CYB5RL: variants seen among roughly 807,000 people sequenced by gnomAD.
CYB5RL encodes cytochrome b5 reductase like.
Under a neutral mutation model 37.5 loss-of-function variants are expected in CYB5RL, and 38 were observed. The ratio of observed to expected loss-of-function variants is 1.01; its 90% CI spans 0.78 to 1.33. The LOEUF (loss-of-function observed/expected upper bound fraction) is 1.33. CYB5RL is among the 40% of genes most tolerant of loss of function. The pLI is 0.00. For missense variants in CYB5RL, 388 were observed against 394.4 expected (o/e 0.98, Z 0.14); for synonymous variants, 141 against 151.9 (o/e 0.93, Z 0.53).
intron 1 of CYB5RL, among the ~76,000 whole-genome samples, chr1:54,197,837 C>A (rs539557657): frequency 6.6e-5 from 10 of 151,718 alleles, no homozygotes; most frequent in African/African-American, 2.4e-4. Flanking sequence ...CTGGCTAACA[C>A]GGTGAAACCC....
At chr1:54,193,629 G>C (rs1643976722) in intron 3 of CYB5RL, among the ~76,000 whole-genome samples, 1 of 152,118 alleles carries the variant, frequency 6.6e-6, no homozygotes, top group Non-Finnish European at 1.5e-5. Context: ...AAGCCCAGGA[G>C]TTTGAGCCCA....
At chr1:54,185,532 C>T (rs1660266914) in intron 5 of CYB5RL, 1 of 152,162 alleles carries the variant, frequency 6.6e-6, no homozygotes, top group African/African-American at 2.4e-5. Flanking sequence ...CTTTGGTCCC[C>T]AGACCTGTTT....
rs1659939596 is a variant in CYB5RL, at chr1:54,173,391, T to TAG, written c.*1226_*1227dup. The TAG allele has an allele frequency of 6.6e-6, 1 of 152,238 alleles. No homozygotes were observed. Among genetic ancestry groups the TAG allele is most frequent in the Non-Finnish European group, 1.5e-5 (1 of 68,060 alleles). 9.4% of individuals were successfully genotyped at this position (152,238 alleles called of 1,614,324 possible). On this transcript the variant is annotated 3_prime_UTR_variant, in exon 8 of 8. Coordinates refer to ENST00000534324, the MANE Select transcript of CYB5RL (RefSeq NM_001031672.4). ...CTATGCAAAGAACCCTTGCTTCCTG[T>TAG]AGAGCGCAGTTCGAAAATCACTGAT... is the stretch of plus-strand genomic sequence containing the variant.
chr1:54,186,216 C>T (rs899374697), intron 5 of CYB5RL: 4 of 152,210 alleles, frequency 2.6e-5, no homozygotes, highest in Admixed American at 2.0e-4. Flanking sequence ...TTTTGTCCTT[C>T]CATTTGGATC....
intron 3 of CYB5RL, among the ~76,000 whole-genome samples, chr1:54,192,088 T>G (rs1398342707): frequency 1.3e-5 from 2 of 152,190 alleles, no homozygotes; most frequent in Non-Finnish European, 2.9e-5. Context: ...AATCTTTTCC[T>G]ATTATTATTG....
intron 7 of CYB5RL, among the ~76,000 whole-genome samples, chr1:54,176,899 T>C (rs1179933667): frequency 1.3e-5 from 2 of 152,110 alleles, no homozygotes; most frequent in African/African-American, 2.4e-5. Context: ...CAGGATGGAC[T>C]TCTACCTCAA....
intron 3 of CYB5RL, among the ~76,000 whole-genome samples, chr1:54,191,716 G>A (rs559973399): frequency 6.6e-6 from 1 of 152,310 alleles, no homozygotes; most frequent in African/African-American, 2.4e-5. Context: ...CAGTATCACT[G>A]AGCTGACAGA....
At chr1:54,197,652 A>G (rs1235394153) in intron 1 of CYB5RL, among the ~76,000 whole-genome samples, 1 of 152,066 alleles carries the variant, frequency 6.6e-6, no homozygotes, top group African/African-American at 2.4e-5. Flanking sequence ...GACTTCAGTG[A>G]GGCTGTTTGA....
At chr1:54,184,626 G>A (rs1270732138) in intron 5 of CYB5RL, 1 of 165,622 alleles carries the variant, frequency 6.0e-6, no homozygotes, top group Non-Finnish European at 1.3e-5. Flanking sequence ...GAGACAATAG[G>A]GAGTGATGGG....
intron 4 of CYB5RL, among the ~76,000 whole-genome samples, chr1:54,188,225 G>A (rs1376608631): frequency 2.0e-5 from 3 of 152,366 alleles, no homozygotes; most frequent in African/African-American, 7.2e-5. Context: ...TGAGATCCCA[G>A]TAGATCATCT....
At position 54,199,989 on chromosome 1, in the gene CYB5RL, C is replaced by A; in HGVS notation, c.-236G>T. 1.9e-6 allele frequency: 1 copy of A among 522,780 alleles called. No homozygotes were observed. Among genetic ancestry groups the A allele is most frequent in the Non-Finnish European group, 3.4e-6 (1 of 297,126 alleles). 32.4% of individuals were successfully genotyped at this position (522,780 alleles called of 1,614,324 possible). On this transcript the variant is annotated 5_prime_UTR_variant, in exon 1 of 8. Transcript: ENST00000534324. The stretch of plus-strand genomic sequence containing the variant: ...ACGACCACTCACCTACTCGCCTGCG[C>A]TTCACCTCACGTGAGGATTTTCCAG...
At chr1:54,192,760 CTT>C (rs1330026780) in intron 3 of CYB5RL, among the ~76,000 whole-genome samples, 5 of 142,808 alleles carry the variant, frequency 3.5e-5, no homozygotes, top group Non-Finnish European at 4.6e-5. Context: ...CCCTGTGTTT[CTT>C]TTTTTTTTTT....
chr1:54,182,408 A>G (rs926749059), intron 6 of CYB5RL, among the ~76,000 whole-genome samples: 1 of 152,158 alleles, frequency 6.6e-6, no homozygotes, highest in African/African-American at 2.4e-5. Flanking sequence ...AGGATTTGGA[A>G]GGATATACAC....
intron 7 of CYB5RL, among the ~76,000 whole-genome samples, chr1:54,176,743 C>G (rs542312530): frequency 3.3e-5 from 5 of 152,348 alleles, no homozygotes; most frequent in African/African-American, 1.2e-4. Flanking sequence ...CACCATGCAC[C>G]CTGAGATGCC....
chr1:54,172,335 C>CTTTTTTTT lies in CYB5RL; in HGVS notation c.*2276_*2283dup, dbSNP rs71066905. 36 of 104,832 alleles carry CTTTTTTTT rather than the reference C, an allele frequency of 3.4e-4. No individual in the cohort carries two copies. Among genetic ancestry groups the CTTTTTTTT allele is most frequent in the African/African-American group, 4.8e-4 (13 of 27,192 alleles). 6.5% of individuals were successfully genotyped at this position (104,832 alleles called of 1,614,324 possible). A position where few individuals can be genotyped will look rare whatever the true frequency, so the allele number is the denominator to read the frequency against. On this transcript the variant is annotated 3_prime_UTR_variant, in exon 8 of 8. Transcript: ENST00000534324. ...GCGCATACCACCACATAAGGTTAAT[C>CTTTTTTTT]TTTTTTTTTTTTTTTTTTTTGTAGA...
rs1660236157 is a variant in CYB5RL, at chr1:54,184,222, C to G, written c.479G>C (p.Arg160Thr). 1 of 1,613,858 alleles carries G rather than the reference C, an allele frequency of 6.2e-7. No homozygotes were observed. The highest frequency in any genetic ancestry group is 8.5e-7 in the Non-Finnish European group (1 of 1,179,854). ...GLMSRYVESW[R>T]VGDTAFWRGP... The stretch of plus-strand genomic sequence containing the variant: ...TCGCCAGAAAGCTGTGTCTCCTACT[C>G]TCCAGGACTCAACATACCGGGACAT... The change falls in exon 6 of 8, where the codon AGA (arginine) becomes ACA (threonine). Residue 160 changes from arginine to threonine, a missense_variant. Coordinates refer to ENST00000534324, the MANE Select transcript of CYB5RL (RefSeq NM_001031672.4).
intron 6 of CYB5RL, among the ~76,000 whole-genome samples, chr1:54,182,786 C>T (rs1660198282): frequency 6.6e-6 from 1 of 152,214 alleles, no homozygotes; most frequent in African/African-American, 2.4e-5. Context: ...CTCCTGACCT[C>T]AGGTGATCCA....
In CYB5RL at chr1:54,171,470, A is replaced by G. The variant is rs1270056326; in HGVS notation, c.*3149T>C. Reference sequence around the variant, plus strand: ...ATGGAGACTGGGAGCTGGGAGACCCATGAGGGGAACACAGAAGTGACGTTG... The same window carrying G: ...ATGGAGACTGGGAGCTGGGAGACCCGTGAGGGGAACACAGAAGTGACGTTG... On this transcript the variant is annotated 3_prime_UTR_variant, in exon 8 of 8. Transcript: ENST00000534324. The G allele has an allele frequency of 1.8e-5, 8 of 455,466 alleles. No individual in the cohort carries two copies. The highest frequency in any genetic ancestry group is 3.1e-5 in the Non-Finnish European group (7 of 226,422). The allele number at this position is 455,466 out of a possible 1,614,324, so 28.2% of individuals were successfully genotyped here.
At position 54,174,527 on chromosome 1, in the gene CYB5RL, G is replaced by T. The variant is rs1483265082; in HGVS notation, c.*92C>A. On this transcript the variant is annotated 3_prime_UTR_variant, in exon 8 of 8. Coordinates refer to ENST00000534324, the MANE Select transcript of CYB5RL (RefSeq NM_001031672.4). The stretch of plus-strand genomic sequence containing the variant: ...CCTGGCAAATGAGCAGCAGGACCAG[G>T]CCTGGACTCCGTGTCTTCTGATTCC... The T allele has an allele frequency of 1.4e-6, 2 of 1,448,516 alleles. No individual in the cohort carries two copies. The highest frequency in any genetic ancestry group is 1.9e-6 in the Non-Finnish European group (2 of 1,057,792). The allele number at this position is 1,448,516 out of a possible 1,614,324, so 89.7% of individuals were successfully genotyped here.
Sources: allele counts gnomAD v4.1 joint callset (sites outside exome capture counted in the v4.1 genomes callset), GRCh38; gene constraint gnomAD v4.1.1; transcripts MANE v1.5; gene names NCBI Gene and HGNC (gene_info 2026-07-23, HGNC 2026-07-21).